The following ATP2B4 variants were observed in gnomAD, a reference collection of about 807,000 sequenced individuals.
The protein encoded by ATP2B4 is plasma membrane calcium-transporting ATPase 4.
A neutral mutation model predicts 110.3 loss-of-function variants in ATP2B4; 39 were observed. The observed-to-expected ratio is 0.35, with a 90% confidence interval of 0.27 to 0.46. The LOEUF (loss-of-function observed/expected upper bound fraction) is 0.46, where lower values mean the gene tolerates loss of function less well. Ranked by LOEUF, ATP2B4 falls within the 20% of genes least tolerant of loss-of-function variation. The pLI is 1.00. For synonymous variants in ATP2B4, 538 were observed against 571.7 expected, an observed-to-expected ratio of 0.94 and a Z score of 0.84; for missense variants, 1,135 against 1,530.9, an observed-to-expected ratio of 0.74 and a Z score of 4.32.
intron 2 of ATP2B4, among the ~76,000 whole-genome samples, chr1:203,688,723 T>C (rs1258080688): frequency 6.6e-6 from 1 of 152,082 alleles, no homozygotes; most frequent in Non-Finnish European, 1.5e-5. Context: ...GATGTTTAGC[T>C]ACATGGCCTT....
chr1:203,714,908 T>C (rs1050421419), intron 15 of ATP2B4, among the ~76,000 whole-genome samples: 1 of 152,156 alleles, frequency 6.6e-6, no homozygotes, highest in African/African-American at 2.4e-5. Context: ...GTCATCTATC[T>C]TTAGAGAACT....
chr1:203,631,025 A>C (rs78534240), intron 1 of ATP2B4, among the ~76,000 whole-genome samples: 8,870 of 152,326 alleles, frequency 0.058, 304 homozygotes, highest in African/African-American at 0.093. Flanking sequence ...ATGTTAAAAC[A>C]GAAATGACAG....
intron 1 of ATP2B4, among the ~76,000 whole-genome samples, chr1:203,642,938 T>TTCCTATCTTGTCCCTCCATTTC: frequency 6.6e-6 from 1 of 152,242 alleles, no homozygotes; most frequent in Non-Finnish European, 1.5e-5. Context: ...ATTTTAATTT[T>TTCCTATCTTGTCCCTCCATTTC]TCCTATCTTG....
intron 2 of ATP2B4, among the ~76,000 whole-genome samples, chr1:203,689,704 G>T (rs1665307089): frequency 1.3e-5 from 2 of 152,218 alleles, no homozygotes; most frequent in Admixed American, 1.3e-4. Context: ...GGACACAAGG[G>T]TGAACATGAC....
intron 20 of ATP2B4, among the ~76,000 whole-genome samples, chr1:203,731,731 T>C (rs1379449940): frequency 6.7e-6 from 1 of 149,776 alleles, no homozygotes; most frequent in Non-Finnish European, 1.5e-5. Context: ...GTACGTGTAG[T>C]CCCTGCTACT....
At chr1:203,679,517 G>A (rs551853083) in intron 1 of ATP2B4, among the ~76,000 whole-genome samples, 9 of 152,052 alleles carry the variant, frequency 5.9e-5, no homozygotes, top group East Asian at 3.8e-4. Flanking sequence ...AATCTTATGC[G>A]ACCTTTTCCA....
chr1:203,699,867 G>A (rs1665638720), intron 4 of ATP2B4, 150 bp downstream of exon 4: 3 of 1,357,162 alleles, frequency 2.2e-6, no homozygotes, highest in South Asian at 1.4e-5. Flanking sequence ...TAAAGAGGTT[G>A]TGGGAAGCCA....
In ATP2B4 at chr1:203,709,454, G is replaced by A; in HGVS notation, c.1711G>A (p.Val571Met). ...KLYKVYTFNS[V>M]RKSMSTVIRN... is the part of the protein sequence containing the mutation. ...CTACAAGGTGTACACCTTTAACTCA[G>A]TGCGCAAGTCAATGAGCACCGTCAT... Residue 571 changes from valine to methionine, a missense_variant, in exon 11 of 21, where the codon GTG (valine) becomes ATG (methionine). By Grantham distance (21) the Val-to-Met change is conservative. Around this residue, in one of 9 missense-constraint regions of ATP2B4, gnomAD observed 368 missense variants for 455.9 expected, o/e 0.81. Coordinates refer to ENST00000357681, the MANE Select transcript of ATP2B4 (RefSeq NM_001684.5). 1 of 1,614,202 alleles carries A rather than the reference G, an allele frequency of 6.2e-7. No individual in the cohort carries two copies. The highest frequency in any genetic ancestry group is 8.5e-7 in the Non-Finnish European group (1 of 1,180,034).
At chr1:203,705,479 A>G (rs75757797) in intron 8 of ATP2B4, among the ~76,000 whole-genome samples, 13,804 of 152,190 alleles carry the variant, frequency 0.091, 1,680 homozygotes, top group East Asian at 0.3. Flanking sequence ...GCTCACTGCA[A>G]CCTCCACCTC....
chr1:203,721,767 A>T (rs1666343927), intron 17 of ATP2B4, among the ~76,000 whole-genome samples: 1 of 143,134 alleles, frequency 7.0e-6, no homozygotes, highest in African/African-American at 2.7e-5. Flanking sequence ...GGTTCAAGTG[A>T]TTTTCCTGCG....
chr1:203,712,721 T>G (rs977801044), intron 13 of ATP2B4, among the ~76,000 whole-genome samples: 3 of 152,046 alleles, frequency 2.0e-5, no homozygotes, highest in Non-Finnish European at 4.4e-5. Flanking sequence ...TTATACTGAC[T>G]TCCCCCTAGC....
chr1:203,677,881 C>A (rs538306603), intron 1 of ATP2B4, among the ~76,000 whole-genome samples: 31 of 152,362 alleles, frequency 2.0e-4, no homozygotes, highest in Non-Finnish European at 1.5e-5. Flanking sequence ...GATGCTGGCA[C>A]CCCTGCCAGA....
chr1:203,697,863 C>G (rs536952775), intron 2 of ATP2B4, among the ~76,000 whole-genome samples: 1 of 152,154 alleles, frequency 6.6e-6, no homozygotes, highest in East Asian at 1.9e-4. Flanking sequence ...CCACATCATG[C>G]CTGGCTAATT....
intron 1 of ATP2B4, among the ~76,000 whole-genome samples, chr1:203,640,554 G>A (rs1482638852): frequency 1.3e-5 from 2 of 152,040 alleles, no homozygotes; most frequent in Admixed American, 6.6e-5. Flanking sequence ...CAAACTCCTG[G>A]TCTCAAGCAA....
At chr1:203,700,145 C>G in intron 4 of ATP2B4, 61 bp from the exon 5 acceptor site, 2 of 1,565,716 alleles carry the variant, frequency 1.3e-6, no homozygotes, top group Non-Finnish European at 1.7e-6. Context: ...TTGGAGGACC[C>G]TACCCTCAGC....
chr1:203,644,763 T>C lies in ATP2B4; in HGVS notation c.-465+17544T>C, dbSNP rs557446576. Reference sequence around the variant, plus strand: ...AAGTTGGTGACCGGAGTTGAAACAATGGCCAGTTCCCCAGGAGACTTGGCT... The same window carrying C: ...AAGTTGGTGACCGGAGTTGAAACAACGGCCAGTTCCCCAGGAGACTTGGCT... On this transcript the variant is annotated intron_variant, in intron 1 of 20. Coordinates refer to ENST00000357681, the MANE Select transcript of ATP2B4 (RefSeq NM_001684.5). Among the ~76,000 whole-genome samples the C allele has an allele frequency of 1.6e-4, 25 of 152,272 alleles. No individual in the cohort carries two copies. The East Asian group carries it at 4.6e-3, about 28-fold the overall frequency.
chr1:203,708,919 G>A (rs1665924999), intron 10 of ATP2B4, among the ~76,000 whole-genome samples: 2 of 152,136 alleles, frequency 1.3e-5, no homozygotes, highest in South Asian at 4.2e-4. Context: ...CATTTTGGGA[G>A]GTTGAGGTGG....
rs191031233 is a variant in ATP2B4 at position 203,702,911 on chromosome 1, A to G, written c.938-741A>G. On this transcript the variant is annotated intron_variant, in intron 7 of 20. Coordinates refer to ENST00000357681, the MANE Select transcript of ATP2B4 (RefSeq NM_001684.5). The stretch of plus-strand genomic sequence containing the variant: ...TAAACAGAAATAATTCTTTAATTTT[A>G]GGTCTTTAACTCTTCTTTTAAAAGC... Among the ~76,000 whole-genome samples, 244 of 152,354 alleles carry G rather than the reference A, an allele frequency of 1.6e-3. 2 individuals are homozygous for G. The highest frequency in any genetic ancestry group is 5.6e-3 in the African/African-American group (234 of 41,580).
chr1:203,648,157 G>A (rs1284440258), intron 1 of ATP2B4, among the ~76,000 whole-genome samples: 1 of 152,078 alleles, frequency 6.6e-6, no homozygotes, highest in East Asian at 1.9e-4. Context: ...TGGTGATTTG[G>A]GTTCTCATGC....
Sources: gnomAD v4.1 joint callset for allele counts (sites outside exome capture counted in the v4.1 genomes callset) on GRCh38, gnomAD v4.1.1 for gene constraint, gnomAD v4.1.1 regional missense constraint, MANE v1.5 for transcripts, NCBI Gene and HGNC (gene_info 2026-07-23, HGNC 2026-07-21) for gene names.